The following ANKRD28 variants were observed in gnomAD, a reference collection of about 807,000 sequenced individuals.
ANKRD28 encodes the protein serine/threonine-protein phosphatase 6 regulatory ankyrin repeat subunit A.
A neutral mutation model predicts 126.5 loss-of-function variants in ANKRD28; 44 were observed. That is an observed-to-expected ratio of 0.35 (90% CI 0.27 to 0.45). The LOEUF is 0.45. Among genes scored for constraint, ANKRD28 ranks in the 20% least tolerant of loss-of-function variants. ANKRD28 has a pLI of 1.00. For synonymous variants in ANKRD28, 442 were observed against 468.5 expected (o/e 0.94, Z 0.73); for missense variants, 1,110 against 1,316.6 (o/e 0.84, Z 2.43).
intron 2 of ANKRD28, among the ~76,000 whole-genome samples, chr3:15,789,238 T>C (rs1194941470): frequency 6.6e-6 from 1 of 152,056 alleles, no homozygotes; most frequent in Non-Finnish European, 1.5e-5. Context: ...CTCCTGAATA[T>C]GGCAATATAT....
At chr3:15,859,483 G>T in exon 1 of ANKRD28, 1 of 1,316,154 alleles carries the variant, frequency 7.6e-7, no homozygotes, top group Non-Finnish European at 1.0e-6. Flanking sequence ...CACTGCTCCC[G>T]CCCCAGTAGC....
chr3:15,707,899 C>T, intron 14 of ANKRD28, 25 bp downstream of exon 14: 1 of 1,591,778 alleles, frequency 6.3e-7, no homozygotes, highest in Non-Finnish European at 8.6e-7. Context: ...TATTGATCCT[C>T]CACTCTCACT....
intron 13 of ANKRD28, among the ~76,000 whole-genome samples, chr3:15,708,907 A>T (rs1397504671): frequency 6.6e-6 from 1 of 152,034 alleles, no homozygotes; most frequent in Non-Finnish European, 1.5e-5. Flanking sequence ...CTTCTCATAC[A>T]CTTTGCTATG....
intron 2 of ANKRD28, among the ~76,000 whole-genome samples, chr3:15,778,987 G>A (rs1286530730): frequency 2.6e-5 from 4 of 152,106 alleles, no homozygotes; most frequent in Non-Finnish European, 2.9e-5. Flanking sequence ...CTGTGAAGAG[G>A]TGCCTTCTGC....
intron 1 of ANKRD28, among the ~76,000 whole-genome samples, chr3:15,810,352 G>A (rs1437244516): frequency 3.3e-5 from 5 of 151,642 alleles, no homozygotes; most frequent in African/African-American, 9.7e-5. Flanking sequence ...CTACTTGTAG[G>A]AACTGAGACA....
At chr3:15,798,558 A>AT (rs2060378340), upstream of ANKRD28, among the ~76,000 whole-genome samples, 1 of 152,130 alleles carries the variant, frequency 6.6e-6, no homozygotes, top group Non-Finnish European at 1.5e-5. Flanking sequence ...TATATAAATC[A>AT]TTTGATTTTT....
At position 15,749,123 on chromosome 3, in the gene ANKRD28, A is replaced by C. The variant is rs1432910403; in HGVS notation, c.351+2627T>G. 4.9e-5 allele frequency among the ~76,000 whole-genome samples: 3 copies of C among 61,590 alleles called. No homozygotes were observed. In the South Asian group the frequency reaches 1.8e-3, roughly 37 times the overall value. The allele number at this position is 61,590 out of a possible 152,430, so 40.4% of individuals were successfully genotyped here. A position where few individuals can be genotyped will look rare whatever the true frequency, so the allele number is the denominator to read the frequency against. The stretch of plus-strand genomic sequence containing the variant: ...TTTGTTTTTTTTTTTTTTTTTTTTG[A>C]GACGGAGTCTCGCTCTGTCGCCCAG... On this transcript the variant is annotated intron_variant, in intron 4 of 27. Transcript: ENST00000683139.
Position 15,766,231 on chromosome 3 carries a change from T to A in ANKRD28, c.280+3A>T. On this transcript the variant is annotated splice_donor_region_variant and intron_variant, in intron 3 of 27. Coordinates refer to ENST00000683139, the MANE Select transcript of ANKRD28 (RefSeq NM_001349278.2). ...TGTTCTTATTACTCAGAGGTTACCATACCAGATAAAATAAGAAGTTCAATG... is the reference window on the plus strand; with the variant it reads ...TGTTCTTATTACTCAGAGGTTACCAAACCAGATAAAATAAGAAGTTCAATG... 6.2e-7 allele frequency: 1 copy of A among 1,608,122 alleles called. No homozygotes were observed. Among genetic ancestry groups the A allele is most frequent in the Non-Finnish European group, 8.5e-7 (1 of 1,175,812 alleles).
chr3:15,814,502 A>G lies in ANKRD28; in HGVS notation c.28-19196T>C, dbSNP rs1559567181. Among the ~76,000 whole-genome samples the G allele has an allele frequency of 6.6e-6, 1 of 152,200 alleles. No homozygotes were observed. On this transcript the variant is annotated intron_variant, in intron 1 of 27. Transcript: ENST00000399451. The surrounding 1 kb of genome is among the most constrained non-coding windows in gnomAD (Gnocchi z 4.7). The stretch of plus-strand genomic sequence containing the variant: ...AAGAAAAAAAATACTAATCTGGGCA[A>G]CAAAACATTTTTTAAAGGCTTTCTT...
rs970900501 is a variant in ANKRD28, at chr3:15,845,997, T to G, written c.27+13380A>C. ...ATTACAATTTGAGAAGAAATTTGGG[T>G]GGGGACACAGAGCCAAACCATATCA... On this transcript the variant is annotated intron_variant, in intron 1 of 27. Coordinates refer to the ANKRD28 transcript ENST00000399451. The surrounding 1 kb of genome is among the most constrained non-coding windows in gnomAD (Gnocchi z 4.9). 6.6e-6 allele frequency among the ~76,000 whole-genome samples: 1 copy of G among 152,102 alleles called. No homozygotes were observed. Among genetic ancestry groups the G allele is most frequent in the African/African-American group, 2.4e-5 (1 of 41,410 alleles).
intron 3 of ANKRD28, among the ~76,000 whole-genome samples, chr3:15,753,167 AC>A (rs1460937529): frequency 6.6e-6 from 1 of 152,230 alleles, no homozygotes; most frequent in African/African-American, 2.4e-5. Flanking sequence ...GGAAAGGAAG[AC>A]AGCAAATAAA....
At chr3:15,768,179 C>T (rs2058836882) in intron 2 of ANKRD28, among the ~76,000 whole-genome samples, 3 of 152,206 alleles carry the variant, frequency 2.0e-5, no homozygotes, top group South Asian at 4.2e-4. Flanking sequence ...TATTAGAATA[C>T]TAATACAGTT....
intron 1 of ANKRD28, among the ~76,000 whole-genome samples, chr3:15,820,171 T>C (rs1287051060): frequency 6.6e-6 from 1 of 152,214 alleles, no homozygotes; most frequent in Non-Finnish European, 1.5e-5. Context: ...GAGCAACTTG[T>C]TATGCACCCA....
chr3:15,770,660 T>G (rs959181009), intron 2 of ANKRD28, among the ~76,000 whole-genome samples: 1 of 152,198 alleles, frequency 6.6e-6, no homozygotes, highest in Non-Finnish European at 1.5e-5. Context: ...AGAACACTTT[T>G]TTTCATGGTA....
In ANKRD28 at chr3:15,832,836, G is replaced by A. The variant is rs74907927; in HGVS notation, c.27+26541C>T. Among the ~76,000 whole-genome samples the A allele has an allele frequency of 3.3e-4, 50 of 152,256 alleles. No individual in the cohort carries two copies. In the East Asian group the frequency reaches 6.2e-3, roughly 19 times the overall value. ...TTTCTTTATCCAATCTTCTGTTGAT[G>A]GATATTTAGGCTGATTCCACGTATA... On this transcript the variant is annotated intron_variant, in intron 1 of 27. Coordinates refer to the ANKRD28 transcript ENST00000399451.
intron 1 of ANKRD28, among the ~76,000 whole-genome samples, chr3:15,834,928 A>G (rs1212512310): frequency 2.6e-5 from 4 of 152,200 alleles, no homozygotes; most frequent in Non-Finnish European, 5.9e-5. Flanking sequence ...TGGGCAAATC[A>G]CTTGAGGCCA....
At chr3:15,739,370 A>G (rs1383925392) in intron 4 of ANKRD28, among the ~76,000 whole-genome samples, 12 of 152,174 alleles carry the variant, frequency 7.9e-5, no homozygotes, top group Admixed American at 7.9e-4. Flanking sequence ...AAATCTTCAC[A>G]GTTTATGTTC....
chr3:15,793,045 A>G (rs1029085429), intron 2 of ANKRD28, among the ~76,000 whole-genome samples: 1 of 152,178 alleles, frequency 6.6e-6, no homozygotes, highest in African/African-American at 2.4e-5. Context: ...GAATAAAAAC[A>G]ACTTCAAAAA....
At position 15,686,028 on chromosome 3, in the gene ANKRD28, A is replaced by G. The variant is rs769611111; in HGVS notation, c.2143T>C (p.Trp715Arg). Reference sequence around the variant, plus strand: ...CCTCTATGCAACGCTGTCCTTCCCCACTTATCTTTGGCATCTACATTTGCT... The same window carrying G: ...CCTCTATGCAACGCTGTCCTTCCCCGCTTATCTTTGGCATCTACATTTGCT... Reference protein sequence around the residue: ...KGANVDAKDKWGRTALHRGAV... With the variant: ...KGANVDAKDKRGRTALHRGAV... Residue 715 changes from tryptophan to arginine, a missense_variant, in exon 20 of 28, where the codon TGG (tryptophan) becomes CGG (arginine). Transcript: ENST00000683139. The G allele has an allele frequency of 6.2e-7, 1 of 1,613,600 alleles. No individual in the cohort carries two copies. Among genetic ancestry groups the G allele is most frequent in the East Asian group, 2.2e-5 (1 of 44,860 alleles).
Sources: gnomAD v4.1 joint callset for allele counts (sites outside exome capture counted in the v4.1 genomes callset) on GRCh38, gnomAD v4.1.1 for gene constraint, Gnocchi (gnomAD v3.1) non-coding constraint, MANE v1.5 for transcripts, NCBI Gene and HGNC (gene_info 2026-07-23, HGNC 2026-07-21) for gene names.